PCDHGB3: variants seen among roughly 807,000 people sequenced by gnomAD.
PCDHGB3 encodes the protein protocadherin gamma-B3.
PCDHGB3 carries 40 observed loss-of-function variants against 59.2 expected under a neutral mutation model. That is an observed-to-expected ratio of 0.68 (90% CI 0.52 to 0.88). The LOEUF (loss-of-function observed/expected upper bound fraction) is 0.88, where lower values mean the gene tolerates loss of function less well. PCDHGB3 is among the 40% of genes least tolerant of loss of function. PCDHGB3 has a pLI of 0.00. For missense variants in PCDHGB3, 1,309 were observed against 1,187.9 expected (o/e 1.10, Z -1.50); for synonymous variants, 581 against 503.6 (o/e 1.15, Z -2.06).
intron 1 of PCDHGB3, chr5:141,418,622 G>A: frequency 2.5e-6 from 4 of 1,614,026 alleles, no homozygotes; most frequent in Non-Finnish European, 3.4e-6. Context: ...TCGGGAAGAC[G>A]TGCCTCCAGG....
intron 1 of PCDHGB3, chr5:141,390,721 T>G (rs1454628810): frequency 5.1e-6 from 1 of 195,622 alleles, no homozygotes; most frequent in African/African-American, 2.4e-5. Context: ...CTTAACTAAT[T>G]TAACTGGTAT....
At chr5:141,382,968 CT>C (rs774014579) in intron 1 of PCDHGB3, 26 of 1,609,208 alleles carry the variant, frequency 1.6e-5, no homozygotes, top group Admixed American at 8.4e-5. Context: ...TGGGGACCCC[CT>C]GGGAAGCCTG....
intron 1 of PCDHGB3, chr5:141,399,620 C>T: frequency 6.2e-7 from 1 of 1,613,940 alleles, no homozygotes; most frequent in Non-Finnish European, 8.5e-7. Flanking sequence ...CTGGCACTGG[C>T]CTCTTACGTG....
At position 141,497,209 on chromosome 5, in the gene PCDHGB3, T is replaced by TG. The variant is rs11343387; in HGVS notation, c.2474+2353dup. On this transcript the variant is annotated intron_variant, in intron 2 of 3. Coordinates refer to ENST00000576222, the MANE Select transcript of PCDHGB3 (RefSeq NM_018924.5). ...GAGGCAGAGAACAATGTGAGTGTAA[T>TG]GGGGGGGGGAAGATCAGAGAAGGCT... Among the ~76,000 whole-genome samples the TG allele has an allele frequency of 1.3e-3, 196 of 151,342 alleles. 1 individual carries two copies. The South Asian group carries it at 0.02, about 15-fold the overall frequency.
chr5:141,502,179 A>C (rs1403845758), intron 2 of PCDHGB3, among the ~76,000 whole-genome samples: 3 of 152,218 alleles, frequency 2.0e-5, no homozygotes, highest in African/African-American at 7.2e-5. Context: ...GGAATTTAAC[A>C]TTAATACAAT....
intron 1 of PCDHGB3, chr5:141,398,685 G>T: frequency 6.2e-7 from 1 of 1,613,966 alleles, no homozygotes; most frequent in Non-Finnish European, 8.5e-7. Flanking sequence ...AGGAGAAACA[G>T]GATGGTAGTA....
Position 141,371,214 on chromosome 5 carries a change from A to G in PCDHGB3, c.820A>G (p.Asn274Asp). 6.2e-7 allele frequency: 1 copy of G among 1,614,052 alleles called. No individual in the cohort carries two copies. Among genetic ancestry groups the G allele is most frequent in the Non-Finnish European group, 8.5e-7 (1 of 1,179,888 alleles). The change falls in exon 1 of 4, where the codon AAT becomes GAT. Residue 274 changes from asparagine (N) to aspartate (D), a missense_variant. Physicochemically the swap from Asn to Asp is conservative, Grantham distance 23. Coordinates refer to ENST00000576222, the MANE Select transcript of PCDHGB3 (RefSeq NM_018924.5). ...VMAIDMDEGINAEIIYAFINI... is the reference protein window; with the variant it reads ...VMAIDMDEGIDAEIIYAFINI... ...GGCCATTGACATGGATGAGGGCATC[A>G]ATGCCGAAATCATCTATGCCTTCAT...
At chr5:141,427,966 T>C (rs1458559803) in intron 1 of PCDHGB3, 10 of 1,590,764 alleles carry the variant, frequency 6.3e-6, no homozygotes, top group African/African-American at 1.3e-5. Flanking sequence ...CCGCGGGTGC[T>C]GTACCCCGCG....
intron 1 of PCDHGB3, among the ~76,000 whole-genome samples, chr5:141,444,110 A>C (rs1284415694): frequency 6.7e-6 from 1 of 149,880 alleles, no homozygotes; most frequent in Non-Finnish European, 1.5e-5. Flanking sequence ...AACCAAGAAA[A>C]GTGAAGTATC....
intron 1 of PCDHGB3, among the ~76,000 whole-genome samples, chr5:141,439,530 C>T (rs1003383726): frequency 6.6e-6 from 1 of 152,180 alleles, no homozygotes; most frequent in Non-Finnish European, 1.5e-5. Flanking sequence ...CTCTACAGAA[C>T]GCTGTCCTCT....
intron 1 of PCDHGB3, chr5:141,392,764 C>G: frequency 6.8e-7 from 1 of 1,480,722 alleles, no homozygotes; most frequent in Non-Finnish European, 9.0e-7. Flanking sequence ...CTAAATAAGA[C>G]CCATTTATGC....
rs994740663 is a variant in PCDHGB3, at chr5:141,477,022, G to T, written c.2416-17785G>T. ...TATTCGCCTTAGACCTTGTAACCGG[G>T]ATGCTGACAATCAAGGGTCGGCTGG... On this transcript the variant is annotated intron_variant, in intron 1 of 3. Transcript: ENST00000576222. The surrounding 1 kb of genome is among the most constrained non-coding windows in gnomAD (Gnocchi z 4.9). 6.2e-7 allele frequency: 1 copy of T among 1,614,240 alleles called. No homozygotes were observed. Among genetic ancestry groups the T allele is most frequent in the African/African-American group, 1.3e-5 (1 of 75,074 alleles).
chr5:141,400,558 C>A, intron 1 of PCDHGB3: 1 of 1,613,290 alleles, frequency 6.2e-7, no homozygotes, highest in Non-Finnish European at 8.5e-7. Context: ...TTTTTCATTA[C>A]CCACCCAATT....
At chr5:141,492,132 C>A (rs1289132641) in intron 1 of PCDHGB3, among the ~76,000 whole-genome samples, 3 of 152,220 alleles carry the variant, frequency 2.0e-5, no homozygotes, top group African/African-American at 4.8e-5. Context: ...CAGCTCCCAG[C>A]ATCTGTGACT....
At position 141,485,565 on chromosome 5, in the gene PCDHGB3, C is replaced by T. The variant is rs1213821989; in HGVS notation, c.2416-9242C>T. The T allele has an allele frequency of 2.5e-6, 4 of 1,612,946 alleles. No homozygotes were observed. Among genetic ancestry groups the T allele is most frequent in the Non-Finnish European group, 2.5e-6 (3 of 1,179,042 alleles). On this transcript the variant is annotated intron_variant, in intron 1 of 3. Coordinates refer to ENST00000576222, the MANE Select transcript of PCDHGB3 (RefSeq NM_018924.5). The surrounding 1 kb of genome is among the most constrained non-coding windows in gnomAD (Gnocchi z 5.7). ...ATCGTAGATGTGAATGATCACGCCCCCCGTTTTCCGCGGCAGCAGCTGGAC... is the reference window on the plus strand; with the variant it reads ...ATCGTAGATGTGAATGATCACGCCCTCCGTTTTCCGCGGCAGCAGCTGGAC...
intron 1 of PCDHGB3, chr5:141,478,866 C>T (rs1392885307): frequency 1.5e-6 from 2 of 1,304,352 alleles, no homozygotes; most frequent in Non-Finnish European, 2.0e-6. Flanking sequence ...TCTCAGCGAT[C>T]AGAGTTTAGC....
Position 141,432,846 on chromosome 5 carries a change from C to T in PCDHGB3, c.2415+60037C>T, listed in dbSNP as rs1312403897. ...GACCTCACTCTGTACCTGGTGGTAGCGGTGGCCGCGGTCTCCTGCGTCTTC... is the reference window on the plus strand; with the variant it reads ...GACCTCACTCTGTACCTGGTGGTAGTGGTGGCCGCGGTCTCCTGCGTCTTC... On this transcript the variant is annotated intron_variant, in intron 1 of 3. Transcript: ENST00000576222. The surrounding 1 kb of genome is among the most constrained non-coding windows in gnomAD (Gnocchi z 6.0). 2.5e-6 allele frequency: 4 copies of T among 1,614,192 alleles called. No homozygotes were observed. The African/African-American group carries it at 5.3e-5, about 22-fold the overall frequency.
Position 141,405,029 on chromosome 5 carries a change from C to G in PCDHGB3, c.2415+32220C>G, listed in dbSNP as rs565871444. 16 of 1,613,976 alleles carry G rather than the reference C, an allele frequency of 9.9e-6. No individual in the cohort carries two copies. The Admixed American group carries it at 1.0e-4, about 10-fold the overall frequency. On this transcript the variant is annotated intron_variant, in intron 1 of 3. Coordinates refer to ENST00000576222, the MANE Select transcript of PCDHGB3 (RefSeq NM_018924.5). ...GGAGGCCTCAGACCTTACCCTCTAC[C>G]TCGTTGTGGCTGTGGCAGTCGTCTC...
At chr5:141,409,808 G>C in intron 1 of PCDHGB3, 2 of 1,611,624 alleles carry the variant, frequency 1.2e-6, no homozygotes, top group East Asian at 2.2e-5. Context: ...GCAGGCCCGC[G>C]ACCACGGCTC....
Sources: gnomAD v4.1 joint callset for allele counts (sites outside exome capture counted in the v4.1 genomes callset) on GRCh38, gnomAD v4.1.1 for gene constraint, Gnocchi (gnomAD v3.1) non-coding constraint, MANE v1.5 for transcripts, NCBI Gene and HGNC (gene_info 2026-07-23, HGNC 2026-07-21) for gene names.